Variants in CFAP57 observed in about 807,000 individuals in gnomAD.
The protein encoded by CFAP57 is cilia- and flagella-associated protein 57.
CFAP57 carries 116 observed loss-of-function variants against 146.8 expected under a neutral mutation model. That is an observed-to-expected ratio of 0.79 (90% CI 0.68 to 0.92). The LOEUF is 0.92. CFAP57 is among the 40% of genes least tolerant of loss of function. The probability of loss-of-function intolerance (pLI) is 0.00; values close to 1 mark genes in which losing one functional copy is unlikely to be tolerated. For synonymous variants in CFAP57, 518 were observed against 552.8 expected (o/e 0.94, Z 0.88); for missense variants, 1,377 against 1,527.2 (o/e 0.90, Z 1.64).
intron 6 of CFAP57, among the ~76,000 whole-genome samples, chr1:43,190,516 T>C (rs564811647): frequency 1.3e-5 from 2 of 152,192 alleles, no homozygotes; most frequent in South Asian, 2.1e-4. Flanking sequence ...GTGATCCGCC[T>C]GCCTCGGCCT....
At chr1:43,172,546 G>T in intron 1 of CFAP57, 93 bp downstream of exon 1, 2 of 1,047,426 alleles carry the variant, frequency 1.9e-6, no homozygotes, top group Non-Finnish European at 2.7e-6. Context: ...GGGTGGGGTG[G>T]CGCGGAGGAG....
intron 16 of CFAP57, among the ~76,000 whole-genome samples, chr1:43,223,377 G>A (rs1214616130): frequency 1.3e-5 from 2 of 152,160 alleles, no homozygotes; most frequent in Admixed American, 6.5e-5. Flanking sequence ...AGTCTTGGCC[G>A]GGAGGCATCC....
At chr1:43,189,941 A>G (rs1404275273) in intron 6 of CFAP57, among the ~76,000 whole-genome samples, 6 of 152,216 alleles carry the variant, frequency 3.9e-5, no homozygotes, top group Non-Finnish European at 8.8e-5. Flanking sequence ...TAAACCATTC[A>G]TGAGGGATAT....
intron 4 of CFAP57, among the ~76,000 whole-genome samples, chr1:43,184,232 T>TGCTGGG (rs1645545361): frequency 6.6e-6 from 1 of 152,208 alleles, no homozygotes; most frequent in African/African-American, 2.4e-5. Context: ...TCTTGCTAGA[T>TGCTGGG]GCTGGGGACA....
chr1:43,198,709 G>A (rs1643977208), intron 8 of CFAP57, 63 bp downstream of exon 8: 1 of 1,584,470 alleles, frequency 6.3e-7, no homozygotes, highest in Non-Finnish European at 8.6e-7. Context: ...TGAAATATCA[G>A]GAACTAACAT....
chr1:43,200,178 T>G (rs969101957), intron 9 of CFAP57, among the ~76,000 whole-genome samples: 2 of 151,898 alleles, frequency 1.3e-5, no homozygotes, highest in Non-Finnish European at 2.9e-5. Context: ...TAGGGAGAAG[T>G]GGATGGATTC....
At chr1:43,199,541 C>G (rs755888846) in intron 9 of CFAP57, 38 bp downstream of exon 9, 1 of 1,593,932 alleles carries the variant, frequency 6.3e-7, no homozygotes, top group East Asian at 2.2e-5. Context: ...ACAAGGGGCA[C>G]GGAGCCAAGT....
intron 9 of CFAP57, among the ~76,000 whole-genome samples, chr1:43,203,160 G>A (rs958611503): frequency 6.6e-5 from 10 of 151,908 alleles, no homozygotes; most frequent in Admixed American, 2.0e-4. Flanking sequence ...GCAGCAGAGT[G>A]AGACTCTGCC....
intron 1 of CFAP57, 68 bp downstream of exon 1, chr1:43,172,521 A>G: frequency 1.4e-6 from 2 of 1,408,998 alleles, no homozygotes; most frequent in Non-Finnish European, 1.9e-6. Context: ...GAAAAGGCAG[A>G]AAAAGGAGCC....
intron 9 of CFAP57, among the ~76,000 whole-genome samples, chr1:43,202,699 C>T (rs1247698262): frequency 6.6e-6 from 1 of 151,778 alleles, no homozygotes; most frequent in East Asian, 1.9e-4. Flanking sequence ...AGGAGGATCG[C>T]TTGAACCTCG....
At chr1:43,210,180 C>A (rs1017413000) in intron 11 of CFAP57, 1 of 1,545,440 alleles carries the variant, frequency 6.5e-7, no homozygotes, top group Non-Finnish European at 8.7e-7. Flanking sequence ...AATAAGGGGC[C>A]GTTTGGTGGA....
At chr1:43,211,315 CCT>C (rs1644598372) in intron 11 of CFAP57, 1 of 152,116 alleles carries the variant, frequency 6.6e-6, no homozygotes, top group African/African-American at 2.4e-5. Flanking sequence ...GTGGCTCACG[CCT>C]GTAATCCTAG....
At chr1:43,248,657 T>C (rs929805739) in intron 22 of CFAP57, among the ~76,000 whole-genome samples, 2 of 152,098 alleles carry the variant, frequency 1.3e-5, no homozygotes, top group African/African-American at 4.8e-5. Flanking sequence ...GAATTAACTT[T>C]TAATAACTTC....
In CFAP57 at chr1:43,172,782, A is replaced by G. The variant is rs1041613425; in HGVS notation, c.29A>G (p.His10Arg). The change falls in exon 2 of 23, where the codon CAT (histidine) becomes CGT (arginine). Residue 10 changes from histidine to arginine, a missense_variant. Transcript: ENST00000372492. ...TCAGCCGTGGTAGCTCAGACGCTGC[A>G]TGTTTTTGGTCTTCGATCCCACGTG... MSAVVAQTL[H>R]VFGLRSHVAN... 1 of 1,614,172 alleles carries G rather than the reference A, an allele frequency of 6.2e-7. No homozygotes were observed. Among genetic ancestry groups the G allele is most frequent in the East Asian group, 2.2e-5 (1 of 44,886 alleles).
Position 43,234,530 on chromosome 1 carries a change from G to A in CFAP57, c.3297G>A (p.Gln1099=). The A allele has an allele frequency of 6.4e-7, 1 of 1,550,388 alleles. No homozygotes were observed. Among genetic ancestry groups the A allele is most frequent in the East Asian group, 2.4e-5 (1 of 40,910 alleles). Residue 1099 remains glutamine, a synonymous_variant, in exon 21 of 23, where the codon CAG becomes CAA. Coordinates refer to ENST00000372492, the MANE Select transcript of CFAP57 (RefSeq NM_001378189.1). ...CAGGGCTGAACACAGACCTGCAGCA[G>A]GAGTACACCCGGCAGCGGGAGCACC... The part of the protein sequence containing the change: ...EIAGLNTDLQ[Q]EYTRQREHLE...
At chr1:43,193,527 G>A (rs1643672401) in intron 6 of CFAP57, among the ~76,000 whole-genome samples, 1 of 151,636 alleles carries the variant, frequency 6.6e-6, no homozygotes, top group African/African-American at 2.4e-5. Flanking sequence ...ATTTCTTAGG[G>A]CTTACCATAC....
intron 18 of CFAP57, among the ~76,000 whole-genome samples, chr1:43,229,899 G>A (rs1416442709): frequency 6.6e-6 from 1 of 152,128 alleles, no homozygotes; most frequent in African/African-American, 2.4e-5. Flanking sequence ...CCCCTGGGGG[G>A]TGCAAAATGC....
chr1:43,193,958 A>AT lies in CFAP57; in HGVS notation c.1123-3594dup, dbSNP rs551249294. Among the ~76,000 whole-genome samples, 26 of 152,220 alleles carry AT rather than the reference A, an allele frequency of 1.7e-4. No homozygotes were observed. The South Asian group carries it at 5.4e-3, about 32-fold the overall frequency. On this transcript the variant is annotated intron_variant, in intron 6 of 22. Coordinates refer to ENST00000372492, the MANE Select transcript of CFAP57 (RefSeq NM_001378189.1). Reference sequence around the variant, plus strand: ...TTCTATATGTTATAGCAACAACAGTATATTATATGCATATTGTTTCCTACA... The same window carrying AT: ...TTCTATATGTTATAGCAACAACAGTATTATTATATGCATATTGTTTCCTACA...
At chr1:43,237,461 A>G (rs920450432) in intron 21 of CFAP57, among the ~76,000 whole-genome samples, 4 of 152,224 alleles carry the variant, frequency 2.6e-5, no homozygotes, top group African/African-American at 9.6e-5. Context: ...CCTACTCTCA[A>G]GGAGTTAATC....
Sources: gnomAD v4.1 joint callset for allele counts (sites outside exome capture counted in the v4.1 genomes callset) on GRCh38, gnomAD v4.1.1 for gene constraint, MANE v1.5 for transcripts, NCBI Gene and HGNC (gene_info 2026-07-23, HGNC 2026-07-21) for gene names.